The following EPHA5 variants were observed in gnomAD, a reference collection of about 807,000 sequenced individuals.
EPHA5 encodes EPH receptor A5, also known as ephrin type-A receptor 5.
A neutral mutation model predicts 105.0 loss-of-function variants in EPHA5; 60 were observed. The observed-to-expected ratio is 0.57, with a 90% confidence interval of 0.46 to 0.71. The LOEUF is 0.71. Ranked by LOEUF, EPHA5 falls within the 30% of genes least tolerant of loss-of-function variation. The probability of loss-of-function intolerance (pLI) is 0.00; values close to 1 mark genes in which losing one functional copy is unlikely to be tolerated. For missense variants in EPHA5, 1,218 were observed against 1,274.7 expected, an observed-to-expected ratio of 0.96 and a Z score of 0.68; for synonymous variants, 513 against 449.1, an observed-to-expected ratio of 1.14 and a Z score of -1.80.
At position 65,367,377 on chromosome 4, in the gene EPHA5, A is replaced by G. The variant is rs1239183704; in HGVS notation, c.1841T>C (p.Met614Thr). 1.2e-6 allele frequency: 2 copies of G among 1,611,968 alleles called. No homozygotes were observed. The highest frequency in any genetic ancestry group is 1.7e-6 in the Non-Finnish European group (2 of 1,179,216). ...CTTACTGTGCCCATTATGAAAATGC[A>G]TCTTTTCCTCTTCTGGATCTTGTTT... is the stretch of plus-strand genomic sequence containing the variant. ...KAKQDPEEEK[M>T]HFHNGHIKLP... Residue 614 changes from methionine to threonine, a missense_variant, in exon 9 of 17, where the codon ATG becomes ACG. This residue lies in a region of EPHA5 where 971 missense variants were observed against 1,013.5 expected (regional missense o/e 0.96). Coordinates refer to ENST00000613740, the MANE Select transcript of EPHA5 (RefSeq NM_001281766.3).
At chr4:65,654,024 A>T (rs1344958926) in intron 1 of EPHA5, among the ~76,000 whole-genome samples, 1 of 152,066 alleles carries the variant, frequency 6.6e-6, no homozygotes, top group Non-Finnish European at 1.5e-5. Flanking sequence ...TTTCTGGGAA[A>T]GTTTTGTTGT....
intron 3 of EPHA5, among the ~76,000 whole-genome samples, chr4:65,496,912 T>A (rs1732000957): frequency 6.6e-6 from 1 of 152,194 alleles, no homozygotes; most frequent in African/African-American, 2.4e-5. Flanking sequence ...TTCTGATATT[T>A]CTATGAGCAT....
At chr4:65,618,972 T>C (rs1053135127) in intron 2 of EPHA5, among the ~76,000 whole-genome samples, 3 of 152,076 alleles carry the variant, frequency 2.0e-5, no homozygotes, top group African/African-American at 7.2e-5. Context: ...CTGGCCAAAA[T>C]GGTGAAACCC....
chr4:65,531,617 G>A (rs1213154464), intron 3 of EPHA5, among the ~76,000 whole-genome samples: 2 of 151,478 alleles, frequency 1.3e-5, no homozygotes, highest in African/African-American at 4.8e-5. Flanking sequence ...ATGATAAAGA[G>A]GATATACTGA....
chr4:65,465,019 T>C (rs1180161985), intron 5 of EPHA5, among the ~76,000 whole-genome samples: 1 of 152,054 alleles, frequency 6.6e-6, no homozygotes, highest in Admixed American at 6.6e-5. Flanking sequence ...ACAACAAAGT[T>C]ATGTAAGAGT....
intron 3 of EPHA5, among the ~76,000 whole-genome samples, chr4:65,535,077 A>G (rs1376788981): frequency 6.6e-6 from 1 of 152,212 alleles, no homozygotes; most frequent in Non-Finnish European, 1.5e-5. Context: ...CAGAGTCCAC[A>G]TGCTACAAAT....
intron 1 of EPHA5, among the ~76,000 whole-genome samples, chr4:65,649,957 T>A (rs1203326936): frequency 6.6e-6 from 1 of 152,216 alleles, no homozygotes; most frequent in East Asian, 1.9e-4. Context: ...ATGCCTCATT[T>A]TTGTAGATTT....
chr4:65,658,975 T>G (rs961974446), intron 1 of EPHA5, among the ~76,000 whole-genome samples: 4 of 152,076 alleles, frequency 2.6e-5, no homozygotes, highest in African/African-American at 9.7e-5. Context: ...AAATATTGAT[T>G]ATAAAATATT....
intron 11 of EPHA5, among the ~76,000 whole-genome samples, chr4:65,357,912 C>A (rs1403753969): frequency 1.3e-5 from 2 of 151,184 alleles, no homozygotes; most frequent in African/African-American, 4.8e-5. Flanking sequence ...CACAAATCTC[C>A]AAAAGAGAAG....
At chr4:65,629,461 A>C (rs1262099511) in intron 2 of EPHA5, among the ~76,000 whole-genome samples, 1 of 152,226 alleles carries the variant, frequency 6.6e-6, no homozygotes, top group Non-Finnish European at 1.5e-5. Context: ...CAATAGGTGC[A>C]ATAAAGTCCC....
intron 3 of EPHA5, among the ~76,000 whole-genome samples, chr4:65,506,639 A>T (rs1733056095): frequency 7.6e-6 from 1 of 131,808 alleles, no homozygotes. Flanking sequence ...TTGGCTGCAT[A>T]AATGTCTTCT....
Position 65,420,577 on chromosome 4 carries a change from T to A in EPHA5, c.1403-12A>T, listed in dbSNP as rs1723852790. The A allele has an allele frequency of 6.2e-7, 1 of 1,611,206 alleles. No individual in the cohort carries two copies. Among genetic ancestry groups the A allele is most frequent in the Non-Finnish European group, 8.5e-7 (1 of 1,178,860 alleles). ...GACTGGAGATGGAGCTGCAAAATAG[T>A]TTAAATAAGGAGCAGTATGATTAAT... On this transcript the variant is annotated splice_polypyrimidine_tract_variant and intron_variant, in intron 5 of 16. Transcript: ENST00000613740.
intron 3 of EPHA5, among the ~76,000 whole-genome samples, chr4:65,546,205 C>T (rs1463852665): frequency 2.0e-5 from 3 of 151,942 alleles, no homozygotes; most frequent in Non-Finnish European, 2.9e-5. Context: ...GAGAGTCTGG[C>T]AGCACTGAGA....
In EPHA5 at chr4:65,510,642, A is replaced by G. The variant is rs13121875; in HGVS notation, c.911-15099T>C. ...TGCTGGCAGCAGAAACTAAGCACTCAATAGCCGTTTTAAAACATTAGGATG... is the reference window on the plus strand; with the variant it reads ...TGCTGGCAGCAGAAACTAAGCACTCGATAGCCGTTTTAAAACATTAGGATG... On this transcript the variant is annotated intron_variant, in intron 3 of 16. Transcript: ENST00000613740. 5.3e-3 allele frequency among the ~76,000 whole-genome samples: 810 copies of G among 152,282 alleles called. 12 individuals carry two copies. Among genetic ancestry groups the G allele is most frequent in the Non-Finnish European group, 5.0e-3 (337 of 68,028 alleles).
At chr4:65,388,964 A>G (rs1294525557) in intron 8 of EPHA5, among the ~76,000 whole-genome samples, 2 of 152,008 alleles carry the variant, frequency 1.3e-5, no homozygotes, top group Non-Finnish European at 1.5e-5. Flanking sequence ...CTAAATTCCT[A>G]TGTAAATAAT....
rs1026812174 is a variant in EPHA5 at position 65,481,964 on chromosome 4, C to A, written c.1402+8413G>T. 2.0e-5 allele frequency among the ~76,000 whole-genome samples: 3 copies of A among 152,226 alleles called. No individual in the cohort carries two copies. The East Asian group carries it at 5.8e-4, about 29-fold the overall frequency. On this transcript the variant is annotated intron_variant, in intron 5 of 16. Coordinates refer to ENST00000613740, the MANE Select transcript of EPHA5 (RefSeq NM_001281766.3). ...TTTAATATACAAGGAATTCAATGACCTACTGAAATATGAAAGTTAAGGTGG... is the reference window on the plus strand; with the variant it reads ...TTTAATATACAAGGAATTCAATGACATACTGAAATATGAAAGTTAAGGTGG...
At chr4:65,574,225 C>T in intron 3 of EPHA5, 2 of 1,602,744 alleles carry the variant, frequency 1.2e-6, no homozygotes, top group Non-Finnish European at 1.7e-6. Flanking sequence ...GCTGTGGACT[C>T]ACAAATTTTA....
At chr4:65,581,201 G>T (rs948613511) in intron 3 of EPHA5, among the ~76,000 whole-genome samples, 11 of 151,678 alleles carry the variant, frequency 7.3e-5, no homozygotes, top group African/African-American at 2.4e-4. Context: ...AAAGTATATT[G>T]TTCTTTGTTG....
At chr4:65,374,022 G>A (rs1233061762) in intron 8 of EPHA5, among the ~76,000 whole-genome samples, 1 of 151,826 alleles carries the variant, frequency 6.6e-6, no homozygotes, top group Non-Finnish European at 1.5e-5. Context: ...GAATATTTGA[G>A]GATAAAGGGT....
Sources: gnomAD v4.1 joint callset for allele counts (sites outside exome capture counted in the v4.1 genomes callset) on GRCh38, gnomAD v4.1.1 for gene constraint, gnomAD v4.1.1 regional missense constraint, MANE v1.5 for transcripts, NCBI Gene and HGNC (gene_info 2026-07-23, HGNC 2026-07-21) for gene names.